Variants in TAPBPL observed in about 807,000 individuals in gnomAD.
The protein encoded by TAPBPL is TAP binding protein like, also known as tapasin-related protein.
TAPBPL carries 32 observed loss-of-function variants against 44.8 expected under a neutral mutation model. That is an observed-to-expected ratio of 0.71 (90% confidence interval 0.54 to 0.96). TAPBPL has a LOEUF of 0.96. Ranked by LOEUF, TAPBPL falls within the 40% of genes least tolerant of loss-of-function variation. The pLI is 0.00. For missense variants in TAPBPL, 520 were observed against 586.6 expected, an observed-to-expected ratio of 0.89 and a Z score of 1.17; for synonymous variants, 230 against 240.7, an observed-to-expected ratio of 0.96 and a Z score of 0.41.
chr12:6,456,692 G>A lies in TAPBPL; in HGVS notation c.566-714G>A, dbSNP rs537778701. Among the ~76,000 whole-genome samples, 22 of 151,418 alleles carry A rather than the reference G, an allele frequency of 1.5e-4. 1 individual carries two copies. The highest frequency in any genetic ancestry group is 7.2e-4 in the Admixed American group (11 of 15,208). On this transcript the variant is annotated intron_variant, in intron 3 of 6. Coordinates refer to ENST00000266556, the MANE Select transcript of TAPBPL (RefSeq NM_018009.5). The stretch of plus-strand genomic sequence containing the variant: ...TTTTTGAGACGGAGTTTCACTCGTC[G>A]CCCAGACTGGAGTGCAATGGCGCGA...
chr12:6,470,636 T>TCG, downstream of TAPBPL: 1 of 1,487,340 alleles, frequency 6.7e-7, no homozygotes, highest in South Asian at 1.2e-5. Flanking sequence ...AAGCTCCGCC[T>TCG]CGCGCCGACT....
chr12:6,457,799 G>A, intron 4 of TAPBPL, 55 bp downstream of exon 4: 3 of 1,467,606 alleles, frequency 2.0e-6, no homozygotes, highest in African/African-American at 1.4e-5. Context: ...TCTACTGGGA[G>A]CGTTTCCAGA....
At chr12:6,470,804 C>T, downstream of TAPBPL, 1 of 553,920 alleles carries the variant, frequency 1.8e-6, no homozygotes, top group South Asian at 2.3e-5. Flanking sequence ...CCGCCCCGCC[C>T]CTGCCAATTG....
rs569968024 is a variant in TAPBPL at position 6,453,271 on chromosome 12, A to G, written c.269A>G (p.Asp90Gly). ...CAAGGGGGCACACTGGCCCAAGATG[A>G]CCCACCTATTATCTTTGAGGCCTCA... is the stretch of plus-strand genomic sequence containing the variant. ...DFQGGTLAQDDPPIIFEASVD... is the reference protein window; with the variant it reads ...DFQGGTLAQDGPPIIFEASVD... Residue 90 changes from aspartate to glycine, a missense_variant, in exon 2 of 7, where the codon GAC becomes GGC. Transcript: ENST00000266556. This position sits in a 1 kb window ranked among gnomAD's most constrained non-coding sequence, Gnocchi z 4.8. The G allele has an allele frequency of 4.3e-5, 69 of 1,613,812 alleles. No homozygotes were observed. The highest frequency in any genetic ancestry group is 5.8e-5 in the Non-Finnish European group (68 of 1,179,960).
downstream of TAPBPL, chr12:6,463,004 C>T (rs146913351): frequency 1.4e-5 from 21 of 1,549,772 alleles, no homozygotes; most frequent in African/African-American, 2.5e-4. The surrounding 1 kb of genome is among the most constrained non-coding windows in gnomAD (Gnocchi z 4.0). Context: ...GAATAAAGGG[C>T]CATGGGCATT....
At position 6,462,162 on chromosome 12, in the gene TAPBPL, T is replaced by C. The variant is rs774935900; in HGVS notation, c.*13T>C. The C allele has an allele frequency of 6.3e-6, 10 of 1,597,942 alleles. 1 individual carries two copies. In the Admixed American group the frequency reaches 6.9e-5, roughly 11 times the overall value. ...CCAGCCCAGCTGACCTAAAGCGACATGAGACTACTAGAAAGAAACGACACC... is the reference window on the plus strand; with the variant it reads ...CCAGCCCAGCTGACCTAAAGCGACACGAGACTACTAGAAAGAAACGACACC... On this transcript the variant is annotated 3_prime_UTR_variant, in exon 7 of 7. Coordinates refer to ENST00000266556, the MANE Select transcript of TAPBPL (RefSeq NM_018009.5).
chr12:6,471,523 C>A, the TAPBPL span, among the ~76,000 whole-genome samples: 1 of 152,076 alleles, frequency 6.6e-6, no homozygotes, highest in African/African-American at 2.4e-5. The surrounding 1 kb of genome is among the most constrained non-coding windows in gnomAD (Gnocchi z 4.0). Flanking sequence ...TATTTTATGT[C>A]CCGCTAAGAA....
chr12:6,455,789 C>G (rs1168556158), intron 3 of TAPBPL, among the ~76,000 whole-genome samples: 2 of 108,860 alleles, frequency 1.8e-5, no homozygotes, highest in African/African-American at 3.4e-5. Flanking sequence ...TTTTAACAGT[C>G]TCATTCTGTC....
At chr12:6,470,854 C>T (rs555503140), downstream of TAPBPL, 8 of 477,252 alleles carry the variant, frequency 1.7e-5, no homozygotes, top group East Asian at 3.7e-5. Flanking sequence ...CGGAAAGGAG[C>T]GGTTGCTGTG....
At chr12:6,471,386 AC>A (rs1945770072), downstream of TAPBPL, among the ~76,000 whole-genome samples, 1 of 151,668 alleles carries the variant, frequency 6.6e-6, no homozygotes. The surrounding 1 kb of genome is among the most constrained non-coding windows in gnomAD (Gnocchi z 4.0). Context: ...CCTCCCCTTC[AC>A]CTTTACCTCT....
chr12:6,466,516 C>G, downstream of TAPBPL: 1 of 621,172 alleles, frequency 1.6e-6, no homozygotes, highest in Non-Finnish European at 2.6e-6. Context: ...GACCCCATCT[C>G]TAAAAAAACA....
chr12:6,454,579 G>A (rs1432608979), intron 3 of TAPBPL, among the ~76,000 whole-genome samples: 1 of 152,124 alleles, frequency 6.6e-6, no homozygotes, highest in Non-Finnish European at 1.5e-5. Flanking sequence ...AATGGAGATC[G>A]TTCTCATCTC....
Position 6,453,134 on chromosome 12 carries a change from C to CACCGT in TAPBPL, c.132_133insACCGT (p.Gly45ThrfsTer22). ...TCCTAGACTGCTTCCTGGCGAAGGA[C>CACCGT]GGTGCGCACCGTGGAGCTCTCGCCA... is the stretch of plus-strand genomic sequence containing the variant. On this transcript the variant is annotated frameshift_variant, in exon 2 of 7. Transcript: ENST00000266556. LOFTEE classifies it high-confidence loss of function. The surrounding 1 kb of genome is among the most constrained non-coding windows in gnomAD (Gnocchi z 4.8). 6.3e-7 allele frequency: 1 copy of CACCGT among 1,593,834 alleles called. No homozygotes were observed. The highest frequency in any genetic ancestry group is 2.3e-5 in the East Asian group (1 of 44,200).
chr12:6,465,357 A>AGTATATATATATATAAATGTATATAT (rs1949977593), downstream of TAPBPL: 1 of 214,354 alleles, frequency 4.7e-6, no homozygotes, highest in East Asian at 1.7e-4. Context: ...AAAAGAAAAA[A>AGTATATATATATATAAATGTATATAT]GTATATATAT....
chr12:6,456,230 T>C (rs1949698285), intron 3 of TAPBPL, among the ~76,000 whole-genome samples: 1 of 152,320 alleles, frequency 6.6e-6, no homozygotes, highest in Admixed American at 6.5e-5. Context: ...TTTCATAGAA[T>C]TGACATTTTT....
chr12:6,459,127 AT>A (rs902420513), intron 5 of TAPBPL, among the ~76,000 whole-genome samples, 180 bp downstream of exon 5: 10 of 152,266 alleles, frequency 6.6e-5, no homozygotes, highest in African/African-American at 1.2e-4. Flanking sequence ...TCTACCACAC[AT>A]CCCCTGAGAC....
downstream of TAPBPL, chr12:6,466,445 G>A: frequency 7.1e-7 from 1 of 1,412,704 alleles, no homozygotes; most frequent in Non-Finnish European, 9.5e-7. Context: ...CTACTCAAGA[G>A]GCTGAAGTGG....
rs1359462104 is a variant in TAPBPL, at chr12:6,458,775, C to G, written c.1035C>G (p.Ala345=). The G allele has an allele frequency of 6.2e-7, 1 of 1,614,142 alleles. No homozygotes were observed. The highest frequency in any genetic ancestry group is 8.5e-7 in the Non-Finnish European group (1 of 1,180,042). The part of the protein sequence containing the change: ...WTREELGGSP[A]QVSGASFSSL... ...GAGAGGAGCTGGGTGGATCCCCAGC[C>G]CAAGTCTCTGGTGCCTCCTTCTCCA... The change falls in exon 5 of 7, where the codon GCC becomes GCG. Residue 345 remains alanine, a synonymous_variant. Transcript: ENST00000266556.
At chr12:6,466,118 G>A (rs1950018112), downstream of TAPBPL, 2 of 1,611,084 alleles carry the variant, frequency 1.2e-6, no homozygotes, top group Non-Finnish European at 1.7e-6. Flanking sequence ...TTGCCTCTCA[G>A]GGCCTTTGAC....
Sources: gnomAD v4.1 joint callset for allele counts (sites outside exome capture counted in the v4.1 genomes callset) on GRCh38, gnomAD v4.1.1 for gene constraint, Gnocchi (gnomAD v3.1) non-coding constraint, MANE v1.5 for transcripts, NCBI Gene and HGNC (gene_info 2026-07-23, HGNC 2026-07-21) for gene names.